The following PHF3 variants were observed in gnomAD, a reference collection of about 807,000 sequenced individuals.
The protein encoded by PHF3 is PHD finger protein 3.
A neutral mutation model predicts 178.4 loss-of-function variants in PHF3; 41 were observed. That is an observed-to-expected ratio of 0.23 (90% CI 0.18 to 0.30). The LOEUF (loss-of-function observed/expected upper bound fraction) is 0.30. PHF3 is among the 10% of genes least tolerant of loss of function. The probability of loss-of-function intolerance (pLI) is 1.00; values close to 1 mark genes in which losing one functional copy is unlikely to be tolerated. For missense variants in PHF3, 2,346 were observed against 2,398.1 expected (o/e 0.98, Z 0.45); for synonymous variants, 842 against 800.5 (o/e 1.05, Z -0.88).
chr6:63,649,470 T>C (rs1045446389), intron 2 of PHF3, among the ~76,000 whole-genome samples: 3 of 152,216 alleles, frequency 2.0e-5, no homozygotes, highest in African/African-American at 7.2e-5. Context: ...GGCTATTTTG[T>C]AACCTTAGTG....
chr6:63,692,587 A>G (rs1173136314), intron 5 of PHF3, among the ~76,000 whole-genome samples: 1 of 152,166 alleles, frequency 6.6e-6, no homozygotes, highest in Non-Finnish European at 1.5e-5. Flanking sequence ...TTAATTTGTT[A>G]TTCTTATAGA....
At chr6:63,705,051 T>C (rs944237775) in intron 11 of PHF3, among the ~76,000 whole-genome samples, 3 of 152,236 alleles carry the variant, frequency 2.0e-5, no homozygotes, top group Non-Finnish European at 4.4e-5. Flanking sequence ...TTCATGCTTA[T>C]ATGCCACCTG....
At chr6:63,654,464 T>C (rs1287416125) in intron 2 of PHF3, among the ~76,000 whole-genome samples, 1 of 152,230 alleles carries the variant, frequency 6.6e-6, no homozygotes, top group Non-Finnish European at 1.5e-5. Flanking sequence ...TGATTAAGAT[T>C]ACATATCATT....
Position 63,657,982 on chromosome 6 carries a change from A to G in PHF3, c.244+11187A>G, listed in dbSNP as rs113615627. Among the ~76,000 whole-genome samples the G allele has an allele frequency of 7.1e-3, 1,075 of 152,230 alleles. 15 individuals carry two copies. The highest frequency in any genetic ancestry group is 0.024 in the South Asian group (115 of 4,824). ...CTTATCATTAGATGGTAACTGTCCT[A>G]TTTCCTTCAGTTCATTCAATTTAAG... On this transcript the variant is annotated intron_variant, in intron 2 of 15. Transcript: ENST00000262043.
chr6:63,642,824 T>C (rs1333661545), intron 1 of PHF3, among the ~76,000 whole-genome samples: 1 of 152,206 alleles, frequency 6.6e-6, no homozygotes, highest in African/African-American at 2.4e-5. Flanking sequence ...TTAACAAAGA[T>C]ACTAAATTGG....
rs1766620799 is a variant in PHF3, at chr6:63,685,056, A to G, written c.1334A>G (p.Asp445Gly). 1 of 1,613,960 alleles carries G rather than the reference A, an allele frequency of 6.2e-7. No individual in the cohort carries two copies. The highest frequency in any genetic ancestry group is 1.1e-5 in the South Asian group (1 of 91,088). The stretch of plus-strand genomic sequence containing the variant: ...GAAAATGCTATTTGTGATGTGCCTG[A>G]CCAAAATTCAAAACAGTTGAATGCT... Reference protein sequence around the residue: ...ILENAICDVPDQNSKQLNAIE... With the variant: ...ILENAICDVPGQNSKQLNAIE... The change falls in exon 4 of 16, where the codon GAC becomes GGC. Residue 445 changes from aspartate (D) to glycine (G), a missense_variant. Coordinates refer to ENST00000262043, the MANE Select transcript of PHF3 (RefSeq NM_001370348.2).
chr6:63,701,648 T>C (rs1767480805), intron 9 of PHF3, among the ~76,000 whole-genome samples: 1 of 152,218 alleles, frequency 6.6e-6, no homozygotes, highest in Non-Finnish European at 1.5e-5. Flanking sequence ...AGATCTAGTT[T>C]GAAGCTCATC....
chr6:63,696,243 G>A (rs756309675), intron 6 of PHF3, among the ~76,000 whole-genome samples: 6 of 152,184 alleles, frequency 3.9e-5, no homozygotes, highest in Non-Finnish European at 5.9e-5. Flanking sequence ...TTAAAATCAT[G>A]GGCTTAGATA....
At position 63,706,701 on chromosome 6, in the gene PHF3, C is replaced by T. The variant is rs1308688115; in HGVS notation, c.3564-28C>T. ...GACATTGATTTATTCATCAGCTTGTCTTTAGGCTTTTTAATGTCATTTTCT... is the reference window on the plus strand; with the variant it reads ...GACATTGATTTATTCATCAGCTTGTTTTTAGGCTTTTTAATGTCATTTTCT... On this transcript the variant is annotated intron_variant, in intron 12 of 15. Coordinates refer to ENST00000262043, the MANE Select transcript of PHF3 (RefSeq NM_001370348.2). 4 of 1,608,566 alleles carry T rather than the reference C, an allele frequency of 2.5e-6. No individual in the cohort carries two copies. In the South Asian group the frequency reaches 4.4e-5, roughly 18 times the overall value.
chr6:63,719,977 TATAAAAG>T lies in PHF3; in HGVS notation c.*6274_*6280del, dbSNP rs1768309214. On this transcript the variant is annotated 3_prime_UTR_variant, in exon 16 of 16. Transcript: ENST00000262043. ...ATTGTAATATCTATTGATGTCTTACTATAAAAGATAAGGATTTAGCTCTTACCAGCCT... is the reference window on the plus strand; with the variant it reads ...ATTGTAATATCTATTGATGTCTTACTATAAGGATTTAGCTCTTACCAGCCT... 6.6e-6 allele frequency: 1 copy of T among 152,122 alleles called. No homozygotes were observed. Among genetic ancestry groups the T allele is most frequent in the South Asian group, 2.1e-4 (1 of 4,826 alleles). The allele number at this position is 152,122 out of a possible 1,614,324, so 9.4% of individuals were successfully genotyped here.
In PHF3 at chr6:63,635,994, T is replaced by C. The variant is rs1764311816; in HGVS notation, c.-182T>C. ...AGTGTCGTCAGCAGCAGCCATTTGG[T>C]CCCAGGAGGAAAAGAGGCTGTGGCA... On this transcript the variant is annotated 5_prime_UTR_variant, in exon 1 of 16. Coordinates refer to ENST00000262043, the MANE Select transcript of PHF3 (RefSeq NM_001370348.2). The C allele has an allele frequency of 7.5e-6, 3 of 397,714 alleles. No individual in the cohort carries two copies. The allele number at this position is 397,714 out of a possible 1,614,324, so 24.6% of individuals were successfully genotyped here.
intron 2 of PHF3, among the ~76,000 whole-genome samples, chr6:63,658,575 G>T (rs1278397877): frequency 1.3e-5 from 2 of 152,008 alleles, no homozygotes; most frequent in African/African-American, 4.8e-5. Context: ...TTCTTTTATG[G>T]TGTGTTTGCA....
chr6:63,655,725 T>C (rs1177523706), intron 2 of PHF3, among the ~76,000 whole-genome samples: 2 of 152,222 alleles, frequency 1.3e-5, no homozygotes, highest in Non-Finnish European at 2.9e-5. Context: ...CTTTAATTGC[T>C]CTCAGTTCGG....
intron 8 of PHF3, among the ~76,000 whole-genome samples, chr6:63,699,237 A>G (rs1767367873): frequency 6.6e-6 from 1 of 152,204 alleles, no homozygotes; most frequent in Non-Finnish European, 1.5e-5. Flanking sequence ...GGTCTCTGAT[A>G]AGTACAATAA....
rs767667114 is a variant in PHF3, at chr6:63,706,061, C to G, written c.3400C>G (p.Pro1134Ala). The change falls in exon 12 of 16, where the codon CCA (proline) becomes GCA (alanine). Residue 1134 changes from proline (P) to alanine (A), a missense_variant. By Grantham distance (27) the Pro-to-Ala change is conservative. Coordinates refer to ENST00000262043, the MANE Select transcript of PHF3 (RefSeq NM_001370348.2). ...RMAPPVDDLS[P>A]KKVKVVVGVA... ...GGCACCACCTGTAGATGATCTTTCT[C>G]CAAAAAAAGTAAAAGTTGTTGTAGG... 1.2e-5 allele frequency: 20 copies of G among 1,613,240 alleles called. No individual in the cohort carries two copies. Among genetic ancestry groups the G allele is most frequent in the Middle Eastern group, 1.6e-4 (1 of 6,062 alleles).
Position 63,723,965 on chromosome 6 carries a change from G to A in PHF3, c.*10257G>A, listed in dbSNP as rs1017955083. On this transcript the variant is annotated 3_prime_UTR_variant, in exon 16 of 16. Coordinates refer to ENST00000262043, the MANE Select transcript of PHF3 (RefSeq NM_001370348.2). ...TGGGACTACAGGCACTGGCCATCAC[G>A]GCCGGCTAATTTTTGTATTTTGGGT... Among the ~76,000 whole-genome samples, 3 of 151,830 alleles carry A rather than the reference G, an allele frequency of 2.0e-5. No homozygotes were observed. Among genetic ancestry groups the A allele is most frequent in the African/African-American group, 7.3e-5 (3 of 41,346 alleles).
At chr6:63,637,193 T>C (rs1489736119) in intron 1 of PHF3, among the ~76,000 whole-genome samples, 2 of 152,230 alleles carry the variant, frequency 1.3e-5, no homozygotes, top group Non-Finnish European at 2.9e-5. Flanking sequence ...CTATCTTATT[T>C]TAAGCTAAAT....
intron 2 of PHF3, among the ~76,000 whole-genome samples, chr6:63,675,446 A>G (rs1316513187): frequency 6.6e-6 from 1 of 152,166 alleles, no homozygotes; most frequent in Non-Finnish European, 1.5e-5. Flanking sequence ...GGCACCTAGT[A>G]CCTAGTTCTG....
rs1008368435 is a variant in PHF3 at position 63,715,109 on chromosome 6, T to A, written c.*1401T>A. On this transcript the variant is annotated 3_prime_UTR_variant, in exon 16 of 16. Coordinates refer to ENST00000262043, the MANE Select transcript of PHF3 (RefSeq NM_001370348.2). ...TTGTTTTCCTAAAGAGCTTAAAGAT[T>A]AGAGTTAAAAATTGGTTTTGAAACA... The A allele has an allele frequency of 6.6e-6, 1 of 152,114 alleles. No homozygotes were observed. The highest frequency in any genetic ancestry group is 2.4e-5 in the African/African-American group (1 of 41,438). The allele number at this position is 152,114 out of a possible 1,614,324, so 9.4% of individuals were successfully genotyped here.
Sources: allele counts gnomAD v4.1 joint callset (sites outside exome capture counted in the v4.1 genomes callset), GRCh38; gene constraint gnomAD v4.1.1; transcripts MANE v1.5; gene names NCBI Gene and HGNC (gene_info 2026-07-23, HGNC 2026-07-21).